The following ARID1B variants were observed in gnomAD, a reference collection of about 807,000 sequenced individuals.
ARID1B encodes the protein AT-rich interactive domain-containing protein 1B.
ARID1B carries 30 observed loss-of-function variants against 212.3 expected under a neutral mutation model. The observed-to-expected ratio is 0.14, with a 90% CI of 0.11 to 0.19. The LOEUF is 0.19. Among genes scored for constraint, ARID1B ranks in the 10% least tolerant of loss-of-function variants. ARID1B has a pLI of 1.00. For missense variants in ARID1B, 2,891 were observed against 3,204.0 expected, an observed-to-expected ratio of 0.90 and a Z score of 2.36; for synonymous variants, 1,402 against 1,301.7, an observed-to-expected ratio of 1.08 and a Z score of -1.66.
Position 157,209,762 on chromosome 6 carries a change from T to C in ARID1B, c.*1871T>C, listed in dbSNP as rs1794679696. The C allele has an allele frequency of 4.3e-6, 1 of 233,280 alleles. No homozygotes were observed. Among genetic ancestry groups the C allele is most frequent in the Admixed American group, 5.6e-5 (1 of 17,804 alleles). The allele number at this position is 233,280 out of a possible 1,614,324, so 14.5% of individuals were successfully genotyped here. A position where few individuals can be genotyped will look rare whatever the true frequency, so the allele number is the denominator to read the frequency against. On this transcript the variant is annotated 3_prime_UTR_variant, in exon 20 of 20. Transcript: ENST00000636930. ...TGGTGTACATAGTGCAAAGTGATGA[T>C]TTCTATTTCAGGGCATATTATGGTT...
intron 3 of ARID1B, among the ~76,000 whole-genome samples, chr6:156,911,338 GTTTTTTT>G (rs57374747): frequency 1.5e-4 from 16 of 105,372 alleles, no homozygotes; most frequent in East Asian, 3.1e-4. Flanking sequence ...TAAATAATTA[GTTTTTTT>G]TTTTTTTTTT....
rs1419637282 is a variant in ARID1B at position 157,203,498 on chromosome 6, A to G, written c.5264-368A>G. 6.6e-6 allele frequency among the ~76,000 whole-genome samples: 1 copy of G among 152,174 alleles called. No individual in the cohort carries two copies. Among genetic ancestry groups the G allele is most frequent in the Non-Finnish European group, 1.5e-5 (1 of 68,028 alleles). On this transcript the variant is annotated intron_variant, in intron 18 of 19. Transcript: ENST00000636930. The surrounding 1 kb of genome is among the most constrained non-coding windows in gnomAD (Gnocchi z 4.4). ...GAGTGGTGAAGCCAAAAGAAGACAA[A>G]TACCACTTTTGGGTTTGACTCATTT...
At chr6:157,180,747 G>A (rs1416119180) in intron 11 of ARID1B, among the ~76,000 whole-genome samples, 1 of 152,124 alleles carries the variant, frequency 6.6e-6, no homozygotes, top group Non-Finnish European at 1.5e-5. Flanking sequence ...GTATAAAAGG[G>A]GGAGTTTGGG....
intron 11 of ARID1B, among the ~76,000 whole-genome samples, chr6:157,177,705 T>C (rs1199728555): frequency 6.6e-6 from 1 of 152,234 alleles, no homozygotes; most frequent in African/African-American, 2.4e-5. Context: ...AAAACATTTG[T>C]GGCACCATAA....
chr6:157,015,823 TCA>T (rs1243702098), intron 4 of ARID1B, among the ~76,000 whole-genome samples: 2 of 152,218 alleles, frequency 1.3e-5, no homozygotes, highest in Admixed American at 6.5e-5. Context: ...ATTGTGCCAA[TCA>T]CAGCATTACT....
intron 4 of ARID1B, chr6:157,023,738 G>T (rs1038251775): frequency 6.6e-6 from 1 of 152,176 alleles, no homozygotes; most frequent in Non-Finnish European, 1.5e-5. Context: ...CCCTCCAACA[G>T]TAATTTCTAT....
chr6:156,788,707 T>A (rs1021598699), intron 1 of ARID1B, among the ~76,000 whole-genome samples: 3 of 152,200 alleles, frequency 2.0e-5, no homozygotes, highest in African/African-American at 4.8e-5. Flanking sequence ...TATAATTTAC[T>A]ATGCATGGAG....
intron 4 of ARID1B, among the ~76,000 whole-genome samples, chr6:157,042,133 C>G (rs1562571965): frequency 6.6e-6 from 1 of 152,190 alleles, no homozygotes; most frequent in Non-Finnish European, 1.5e-5. Context: ...TACACCTTCC[C>G]CTCCTCCTCC....
intron 4 of ARID1B, among the ~76,000 whole-genome samples, chr6:157,080,728 C>T (rs1358516122): frequency 6.6e-6 from 1 of 152,172 alleles, no homozygotes; most frequent in African/African-American, 2.4e-5. Context: ...ATCTCTTGTA[C>T]TTGTCACTAG....
intron 4 of ARID1B, among the ~76,000 whole-genome samples, chr6:157,020,742 A>G (rs1332992969): frequency 1.3e-5 from 2 of 152,132 alleles, no homozygotes; most frequent in African/African-American, 2.4e-5. Context: ...CTCACCAAAG[A>G]TTTGTTACCT....
chr6:156,991,290 G>A (rs1033323081), intron 4 of ARID1B, among the ~76,000 whole-genome samples: 1 of 152,184 alleles, frequency 6.6e-6, no homozygotes, highest in African/African-American at 2.4e-5. Flanking sequence ...GAGTGCAATG[G>A]TGCGATCTCG....
intron 3 of ARID1B, among the ~76,000 whole-genome samples, chr6:156,910,055 G>C (rs968379024): frequency 1.3e-5 from 2 of 152,200 alleles, no homozygotes; most frequent in Admixed American, 1.3e-4. Flanking sequence ...GTTGTTACCC[G>C]TCATTTCTGA....
chr6:157,109,358 C>T (rs150197927), intron 5 of ARID1B, among the ~76,000 whole-genome samples: 3 of 152,178 alleles, frequency 2.0e-5, no homozygotes, highest in Admixed American at 1.3e-4. Flanking sequence ...GGAGTCAGAG[C>T]GGTTAGCCTG....
chr6:156,869,920 C>T (rs927209474), intron 2 of ARID1B, among the ~76,000 whole-genome samples: 1 of 151,964 alleles, frequency 6.6e-6, no homozygotes, highest in African/African-American at 2.4e-5. Flanking sequence ...ATGTTCTAAT[C>T]CTCATAGTAG....
At chr6:156,780,789 T>G (rs901209542) in intron 1 of ARID1B, among the ~76,000 whole-genome samples, 6 of 152,212 alleles carry the variant, frequency 3.9e-5, no homozygotes, top group Non-Finnish European at 7.3e-5. Context: ...ATTCAGATCT[T>G]TGATGATAGT....
intron 2 of ARID1B, among the ~76,000 whole-genome samples, chr6:156,895,202 T>A (rs75378459): frequency 6.6e-6 from 1 of 152,258 alleles, no homozygotes; most frequent in Non-Finnish European, 1.5e-5. Context: ...TTCTGTGTGA[T>A]ATTCTATAGA....
At chr6:156,954,851 A>G (rs1190050578) in intron 4 of ARID1B, among the ~76,000 whole-genome samples, 1 of 152,120 alleles carries the variant, frequency 6.6e-6, no homozygotes, top group Non-Finnish European at 1.5e-5. Flanking sequence ...GTTCCCCTGC[A>G]CCCTATTCTT....
Position 157,203,634 on chromosome 6 carries a change from C to T in ARID1B, c.5264-232C>T, listed in dbSNP as rs141743500. ...ACCACTCCACCTCCAGAAGCACTTT[C>T]GGCCCCTGCGTGACCAACAAAGCGA... is the stretch of plus-strand genomic sequence containing the variant. On this transcript the variant is annotated intron_variant, in intron 18 of 19. Coordinates refer to ENST00000636930, the MANE Select transcript of ARID1B (RefSeq NM_001374828.1). This position sits in a 1 kb window ranked among gnomAD's most constrained non-coding sequence, Gnocchi z 4.4. 828 of 520,170 alleles carry T rather than the reference C, an allele frequency of 1.6e-3. 4 individuals are homozygous for T. The highest frequency in any genetic ancestry group is 0.014 in the African/African-American group (747 of 52,940). 32.2% of individuals were successfully genotyped at this position (520,170 alleles called of 1,614,324 possible).
chr6:157,110,321 G>T, intron 5 of ARID1B, 151 bp from the exon 6 acceptor site: 1 of 618,812 alleles, frequency 1.6e-6, no homozygotes. Flanking sequence ...GGGAAAAGAT[G>T]AACTATTACA....
Sources: gnomAD v4.1 joint callset for allele counts (sites outside exome capture counted in the v4.1 genomes callset) on GRCh38, gnomAD v4.1.1 for gene constraint, Gnocchi (gnomAD v3.1) non-coding constraint, MANE v1.5 for transcripts, NCBI Gene and HGNC (gene_info 2026-07-23, HGNC 2026-07-21) for gene names.